The following MICAL3 variants were observed in gnomAD, a reference collection of about 807,000 sequenced individuals.
MICAL3 encodes microtubule associated monooxygenase, calponin and LIM domain containing 3.
A neutral mutation model predicts 207.4 loss-of-function variants in MICAL3; 62 were observed. The ratio of observed to expected loss-of-function variants is 0.30; its 90% CI spans 0.24 to 0.37. MICAL3 has a LOEUF of 0.37. MICAL3 is among the 10% of genes least tolerant of loss of function. MICAL3 has a pLI of 1.00. For missense variants in MICAL3, 2,368 were observed against 2,635.6 expected, an observed-to-expected ratio of 0.90 and a Z score of 2.22; for synonymous variants, 1,077 against 1,069.3, an observed-to-expected ratio of 1.01 and a Z score of -0.14.
At chr22:17,836,209 A>G (rs1242606088) in intron 20 of MICAL3, among the ~76,000 whole-genome samples, 1 of 152,246 alleles carries the variant, frequency 6.6e-6, no homozygotes, top group African/African-American at 2.4e-5. Flanking sequence ...CGTGCTCTGC[A>G]GTCCTCTGCT....
intron 1 of MICAL3, among the ~76,000 whole-genome samples, chr22:17,985,127 A>G (rs1936094231): frequency 6.6e-6 from 1 of 152,192 alleles, no homozygotes. Context: ...GGGAGTCTGC[A>G]TGCAATATTG....
intron 1 of MICAL3, among the ~76,000 whole-genome samples, chr22:17,989,672 A>G (rs1462401197): frequency 6.6e-6 from 1 of 152,176 alleles, no homozygotes; most frequent in Non-Finnish European, 1.5e-5. Context: ...ACAGAAGTCA[A>G]CATGGTCACA....
intron 1 of MICAL3, among the ~76,000 whole-genome samples, chr22:17,978,879 G>GA (rs112663401): frequency 8.1e-4 from 115 of 142,484 alleles, no homozygotes; most frequent in East Asian, 1.4e-3. Flanking sequence ...CTGTTTAAAA[G>GA]AAAAAAAAAA....
chr22:18,000,756 G>GC (rs1408452393), intron 1 of MICAL3, among the ~76,000 whole-genome samples: 1 of 152,190 alleles, frequency 6.6e-6, no homozygotes, highest in Non-Finnish European at 1.5e-5. Context: ...CGCGCCCACC[G>GC]CCCCCACAAA....
In MICAL3 at chr22:17,859,082, T is replaced by C. The variant is rs117936181; in HGVS notation, c.2605+5817A>G. Among the ~76,000 whole-genome samples the C allele has an allele frequency of 3.0e-4, 45 of 152,146 alleles. 1 individual carries two copies. The East Asian group carries it at 7.3e-3, about 25-fold the overall frequency. Reference sequence around the variant, plus strand: ...TGGGGGGCTGAGGGGAGGAAGGACATGAGCAGGCCAGGAGACACCGCCCAG... The same window carrying C: ...TGGGGGGCTGAGGGGAGGAAGGACACGAGCAGGCCAGGAGACACCGCCCAG... On this transcript the variant is annotated intron_variant, in intron 19 of 31. Transcript: ENST00000441493.
chr22:17,875,023 G>C (rs186499336), intron 16 of MICAL3, among the ~76,000 whole-genome samples: 1 of 152,316 alleles, frequency 6.6e-6, no homozygotes, highest in East Asian at 1.9e-4. Context: ...CTCAAATGAT[G>C]ACAACAGGCA....
chr22:17,953,963 A>AG (rs1569145312), intron 1 of MICAL3, among the ~76,000 whole-genome samples: 1 of 130,618 alleles, frequency 7.7e-6, no homozygotes, highest in Admixed American at 7.7e-5. Context: ...AAAAAAAAAA[A>AG]AAAAGAAAAG....
chr22:18,006,352 CT>C (rs944254130), intron 1 of MICAL3: 1 of 152,170 alleles, frequency 6.6e-6, no homozygotes, highest in African/African-American at 2.4e-5. Context: ...GTCTGCCCCC[CT>C]AGTAGGAGAA....
chr22:17,997,653 A>C (rs985449909), intron 1 of MICAL3, among the ~76,000 whole-genome samples: 1 of 152,190 alleles, frequency 6.6e-6, no homozygotes, highest in African/African-American at 2.4e-5. Context: ...CTCTGGAATC[A>C]GAAAGCCCAG....
intron 1 of MICAL3, among the ~76,000 whole-genome samples, chr22:17,914,458 G>A (rs187270740): frequency 1.8e-5 from 2 of 111,294 alleles, no homozygotes; most frequent in East Asian, 7.1e-4. Flanking sequence ...CATGTTTTGG[G>A]TCCAGACTTG....
chr22:17,957,908 G>C (rs773683472), intron 1 of MICAL3, among the ~76,000 whole-genome samples: 6 of 152,142 alleles, frequency 3.9e-5, no homozygotes, highest in African/African-American at 7.2e-5. Context: ...AGCTGTGGTG[G>C]CTGGAGTTTC....
Position 17,822,100 on chromosome 22 carries a change from T to C in MICAL3, c.3378A>G (p.Glu1126=), listed in dbSNP as rs1338162975. 1 of 1,613,948 alleles carries C rather than the reference T, an allele frequency of 6.2e-7. No individual in the cohort carries two copies. Among genetic ancestry groups the C allele is most frequent in the Admixed American group, 1.7e-5 (1 of 60,020 alleles). Residue 1126 remains glutamate (E), a synonymous_variant, in exon 24 of 32, where the codon GAA becomes GAG. Transcript: ENST00000441493. ...ELRLPCPAEG[E]AELELRVSED... ...CCGACACCCTCAGCTCCAGCTCTGC[T>C]TCCCCCTCAGCTGGGCACGGCAAAC...
chr22:17,825,161 T>TC (rs1922037237), intron 22 of MICAL3, among the ~76,000 whole-genome samples: 1 of 152,192 alleles, frequency 6.6e-6, no homozygotes, highest in Non-Finnish European at 1.5e-5. Flanking sequence ...CACGCGGCTC[T>TC]CCTGTAGACT....
rs950295901 is a variant in MICAL3 at position 18,024,537 on chromosome 22, C to T, written c.-331G>A. 8 of 151,794 alleles carry T rather than the reference C, an allele frequency of 5.3e-5. No individual in the cohort carries two copies. In the East Asian group the frequency reaches 1.2e-3, roughly 22 times the overall value. 9.4% of individuals were successfully genotyped at this position (151,794 alleles called of 1,614,324 possible). ...CGGGCGCTCCCCGCCGGGACTCCGC[C>T]GGGGCTGCAGGAGCGCGCGCTGCTG... On this transcript the variant is annotated 5_prime_UTR_variant, in exon 1 of 32. Transcript: ENST00000441493.
At chr22:17,926,135 T>C (rs913804038) in intron 1 of MICAL3, among the ~76,000 whole-genome samples, 4 of 152,120 alleles carry the variant, frequency 2.6e-5, no homozygotes, top group African/African-American at 9.7e-5. Context: ...TGAGCAAAGA[T>C]GCAATGAAAG....
At chr22:17,817,258 C>A (rs551656707) in intron 26 of MICAL3, 53 bp downstream of exon 26, 21 of 1,509,774 alleles carry the variant, frequency 1.4e-5, no homozygotes, top group Non-Finnish European at 1.9e-5. Context: ...TGACCCCAGC[C>A]CCTCCCGCAC....
intron 29 of MICAL3, among the ~76,000 whole-genome samples, chr22:17,794,114 C>T (rs542827077): frequency 6.6e-6 from 1 of 152,298 alleles, no homozygotes; most frequent in East Asian, 1.9e-4. Context: ...GTGTGGATTC[C>T]TCCAAGAGGG....
rs749113174 is a variant in MICAL3 at position 17,818,055 on chromosome 22, C to T, written c.4606G>A (p.Asp1536Asn). The change falls in exon 26 of 32, where the codon GAC (aspartate) becomes AAC (asparagine). Residue 1536 changes from aspartate to asparagine, a missense_variant. Physicochemically the swap from Asp to Asn is conservative, Grantham distance 23. This residue lies in a region of MICAL3 where 1,770 missense variants were observed against 1,863.2 expected (regional missense o/e 0.95). Transcript: ENST00000441493. ...AAGAATTTCTCCTGCAGGCTTGAGTCCTCAGTCTTGTCGTCATAGGTGTCC... is the reference window on the plus strand; with the variant it reads ...AAGAATTTCTCCTGCAGGCTTGAGTTCTCAGTCTTGTCGTCATAGGTGTCC... Reference protein sequence around the residue: ...VEDTYDDKTEDSSLQEKFFTP... With the variant: ...VEDTYDDKTENSSLQEKFFTP... 24 of 1,612,934 alleles carry T rather than the reference C, an allele frequency of 1.5e-5. No homozygotes were observed. The Admixed American group carries it at 2.8e-4, about 19-fold the overall frequency.
chr22:17,819,899 C>T (rs1300517533), intron 25 of MICAL3, among the ~76,000 whole-genome samples: 4 of 142,936 alleles, frequency 2.8e-5, no homozygotes, highest in Non-Finnish European at 4.5e-5. Context: ...GCCAAGATCG[C>T]GCCACTGCAT....
Sources: allele counts gnomAD v4.1 joint callset (sites outside exome capture counted in the v4.1 genomes callset), GRCh38; gene constraint gnomAD v4.1.1; regional missense constraint gnomAD v4.1.1; transcripts MANE v1.5; gene names NCBI Gene and HGNC (gene_info 2026-07-23, HGNC 2026-07-21).